PLCB1: variants seen among roughly 807,000 people sequenced by gnomAD.
The protein encoded by PLCB1 is 1-phosphatidylinositol 4,5-bisphosphate phosphodiesterase beta-1.
PLCB1 carries 46 observed loss-of-function variants against 161.8 expected under a neutral mutation model. The ratio of observed to expected loss-of-function variants is 0.28; its 90% CI spans 0.22 to 0.36. PLCB1 has a LOEUF of 0.36. Ranked by LOEUF, PLCB1 falls within the 10% of genes least tolerant of loss-of-function variation. PLCB1 has a pLI of 1.00. For synonymous variants in PLCB1, 517 were observed against 503.7 expected (o/e 1.03, Z -0.35); for missense variants, 1,016 against 1,472.5 (o/e 0.69, Z 5.07).
chr20:8,694,024 T>A (rs1990534822), intron 10 of PLCB1, among the ~76,000 whole-genome samples: 1 of 152,236 alleles, frequency 6.6e-6, no homozygotes, highest in African/African-American at 2.4e-5. Context: ...GACCTATCAC[T>A]AATCTCAACC....
At chr20:8,200,776 A>C (rs1003422190) in intron 2 of PLCB1, among the ~76,000 whole-genome samples, 15 of 152,040 alleles carry the variant, frequency 9.9e-5, no homozygotes, top group African/African-American at 3.6e-4. Flanking sequence ...AAAATACTGA[A>C]TAAAAGCAGT....
At chr20:8,516,856 T>A in intron 3 of PLCB1, among the ~76,000 whole-genome samples, 1 of 151,732 alleles carries the variant, frequency 6.6e-6, no homozygotes, top group East Asian at 1.9e-4. Flanking sequence ...AAAGATTTCC[T>A]ATGTGCCCTT....
intron 23 of PLCB1, among the ~76,000 whole-genome samples, chr20:8,756,412 C>A (rs1334102252): frequency 6.6e-6 from 1 of 152,166 alleles, no homozygotes. Flanking sequence ...TCTTATCCAT[C>A]ACATCGATTA....
intron 2 of PLCB1, among the ~76,000 whole-genome samples, chr20:8,154,147 T>C (rs1282435461): frequency 6.6e-6 from 1 of 152,178 alleles, no homozygotes; most frequent in Non-Finnish European, 1.5e-5. Flanking sequence ...AGTCACATCA[T>C]ATTAACCATT....
At chr20:8,476,439 A>G (rs953023847) in intron 3 of PLCB1, among the ~76,000 whole-genome samples, 2 of 150,300 alleles carry the variant, frequency 1.3e-5, no homozygotes, top group African/African-American at 4.8e-5. Context: ...TTACCTCGCT[A>G]AAACAAAACA....
At chr20:8,294,998 A>G (rs62195918) in intron 2 of PLCB1, among the ~76,000 whole-genome samples, 20,060 of 152,130 alleles carry the variant, frequency 0.13, 1,624 homozygotes, top group African/African-American at 0.22. Context: ...ATAAGCCTTA[A>G]AGATAAAAGA....
intron 4 of PLCB1, among the ~76,000 whole-genome samples, chr20:8,645,062 G>A (rs1017279616): frequency 2.6e-5 from 4 of 152,116 alleles, no homozygotes; most frequent in Non-Finnish European, 5.9e-5. Context: ...TCCACTCAGG[G>A]TTAAATGGAT....
intron 26 of PLCB1, among the ~76,000 whole-genome samples, chr20:8,772,699 G>A (rs140526712): frequency 0.013 from 1,933 of 152,244 alleles, 43 homozygotes; most frequent in African/African-American, 0.043. Context: ...TTGGGAGGCC[G>A]AGGTGGGCGG....
At chr20:8,438,660 G>T (rs1048579553) in intron 3 of PLCB1, among the ~76,000 whole-genome samples, 1 of 152,188 alleles carries the variant, frequency 6.6e-6, no homozygotes, top group Non-Finnish European at 1.5e-5. Context: ...GGATTCAGAC[G>T]ACTGCAGTTC....
chr20:8,703,473 G>T (rs561783883), intron 11 of PLCB1, among the ~76,000 whole-genome samples: 1 of 152,008 alleles, frequency 6.6e-6, no homozygotes, highest in South Asian at 2.1e-4. Context: ...CATCCTCTAC[G>T]CTCAACCCAT....
intron 3 of PLCB1, among the ~76,000 whole-genome samples, chr20:8,451,496 C>T (rs910116372): frequency 3.9e-5 from 6 of 151,982 alleles, no homozygotes; most frequent in African/African-American, 7.3e-5. Flanking sequence ...CACAGGTGGG[C>T]GTCACCACAC....
At chr20:8,762,232 C>T (rs924320909) in intron 25 of PLCB1, among the ~76,000 whole-genome samples, 1 of 152,158 alleles carries the variant, frequency 6.6e-6, no homozygotes, top group African/African-American at 2.4e-5. Context: ...GATTTAGTTT[C>T]ATGGGAAACA....
At chr20:8,814,816 C>A (rs935342883) in intron 31 of PLCB1, among the ~76,000 whole-genome samples, 1 of 152,190 alleles carries the variant, frequency 6.6e-6, no homozygotes, top group Admixed American at 6.5e-5. Flanking sequence ...TAATCCATTG[C>A]TATGGTTTTG....
chr20:8,248,650 T>C (rs1411009249), intron 2 of PLCB1: 2 of 151,854 alleles, frequency 1.3e-5, no homozygotes, highest in Non-Finnish European at 2.9e-5. Flanking sequence ...TCAAAATTCA[T>C]GTGTTATTTT....
chr20:8,645,079 C>T (rs559866423), intron 4 of PLCB1, among the ~76,000 whole-genome samples: 2 of 151,902 alleles, frequency 1.3e-5, no homozygotes, highest in East Asian at 1.9e-4. Context: ...GGATTAAGGG[C>T]GGTGCAAGAT....
chr20:8,593,390 TGCTCTGTTTCCCAG>T (rs1211437441), intron 3 of PLCB1, among the ~76,000 whole-genome samples: 1 of 152,054 alleles, frequency 6.6e-6, no homozygotes, highest in Admixed American at 6.6e-5. Context: ...GACAGGGTCT[TGCTCTGTTTCCCAG>T]GCTGGCCTTC....
intron 2 of PLCB1, among the ~76,000 whole-genome samples, chr20:8,205,109 GA>G (rs1227443802): frequency 6.6e-6 from 1 of 151,898 alleles, no homozygotes; most frequent in Non-Finnish European, 1.5e-5. Context: ...AAGACAGAGT[GA>G]AAAAAACATT....
intron 2 of PLCB1, among the ~76,000 whole-genome samples, chr20:8,357,708 T>G (rs921970133): frequency 2.0e-5 from 3 of 152,120 alleles, no homozygotes; most frequent in African/African-American, 7.2e-5. Context: ...ATGTCTGGAT[T>G]TGAAGGAAGA....
intron 9 of PLCB1, among the ~76,000 whole-genome samples, chr20:8,661,372 C>T (rs187180921): frequency 2.6e-4 from 40 of 152,140 alleles, no homozygotes; most frequent in Admixed American, 1.1e-3. Context: ...TTATCTAGCA[C>T]GTGGGAAGGA....
Sources: allele counts gnomAD v4.1 joint callset (sites outside exome capture counted in the v4.1 genomes callset), GRCh38; gene constraint gnomAD v4.1.1; transcripts MANE v1.5; gene names NCBI Gene and HGNC (gene_info 2026-07-23, HGNC 2026-07-21).